Variants in COX17 observed in about 807,000 individuals in gnomAD.
COX17 encodes the protein cytochrome c oxidase copper chaperone COX17, also known as cytochrome c oxidase copper chaperone.
COX17 carries 1 observed loss-of-function variant against 6.3 expected under a neutral mutation model. That is an observed-to-expected ratio of 0.16 (90% CI 0.06 to 0.75). The LOEUF (loss-of-function observed/expected upper bound fraction) is 0.75, where lower values mean the gene tolerates loss of function less well. Ranked by LOEUF, COX17 falls within the 30% of genes least tolerant of loss-of-function variation. The pLI, the probability that COX17 is intolerant of heterozygous loss-of-function variation, is 0.77. For missense variants in COX17, 73 were observed against 81.2 expected, an observed-to-expected ratio of 0.90 and a Z score of 0.39; for synonymous variants, 26 against 30.5, an observed-to-expected ratio of 0.85 and a Z score of 0.49.
chr3:119,669,250 T>TGAA (rs1262864116), downstream of COX17: 2 of 141,940 alleles, frequency 1.4e-5, no homozygotes, highest in Admixed American at 7.0e-5. Context: ...TTAAGAAAGT[T>TGAA]AAAAAAAAAA....
chr3:119,666,235 C>A (rs1017247498), downstream of COX17, among the ~76,000 whole-genome samples: 1 of 152,204 alleles, frequency 6.6e-6, no homozygotes, highest in Non-Finnish European at 1.5e-5. Flanking sequence ...TTGGCTCAAT[C>A]AGACCTTTAA....
intron 1 of COX17, 39 bp downstream of exon 1, chr3:119,677,165 G>C: frequency 1.3e-6 from 2 of 1,538,974 alleles, no homozygotes; most frequent in Non-Finnish European, 1.8e-6. Context: ...GCCGCGGCCC[G>C]GGGCTCGTCG....
intron 2 of COX17, among the ~76,000 whole-genome samples, chr3:119,672,740 T>C (rs954824695): frequency 1.3e-5 from 2 of 152,248 alleles, no homozygotes; most frequent in African/African-American, 4.8e-5. Context: ...TACCATACTA[T>C]ATATAGAATC....
At chr3:119,664,661 T>A (rs2052977631), downstream of COX17, among the ~76,000 whole-genome samples, 1 of 152,232 alleles carries the variant, frequency 6.6e-6, no homozygotes, top group Non-Finnish European at 1.5e-5. Flanking sequence ...AACTGTTTGT[T>A]ACTTGTCCAT....
At chr3:119,677,157 C>T (rs369344618) in intron 1 of COX17, 47 bp downstream of exon 1, 16 of 1,511,778 alleles carry the variant, frequency 1.1e-5, no homozygotes, top group African/African-American at 9.6e-5. Context: ...AGGCACAGGC[C>T]GCGGCCCGGG....
At chr3:119,667,119 G>T (rs2052999674), downstream of COX17, 1 of 152,114 alleles carries the variant, frequency 6.6e-6, no homozygotes, top group South Asian at 2.1e-4. Context: ...ACATTTCAAG[G>T]TTAGACAAAC....
At chr3:119,675,772 T>C (rs1298685248) in intron 1 of COX17, among the ~76,000 whole-genome samples, 1 of 152,190 alleles carries the variant, frequency 6.6e-6, no homozygotes, top group Non-Finnish European at 1.5e-5. Context: ...CACAGCTTTA[T>C]TTCTAAGGCC....
At chr3:119,668,616 T>C (rs1015110780), downstream of COX17, among the ~76,000 whole-genome samples, 1 of 151,740 alleles carries the variant, frequency 6.6e-6, no homozygotes, top group Non-Finnish European at 1.5e-5. Context: ...CATAGCCAGC[T>C]ATTGAACCTA....
intron 1 of COX17, chr3:119,676,927 T>C (rs1320895071): frequency 1.4e-6 from 1 of 699,134 alleles, no homozygotes; most frequent in Admixed American, 2.0e-5. Context: ...TTCCCGGTAC[T>C]AAGCTACGGG....
intron 2 of COX17, among the ~76,000 whole-genome samples, chr3:119,671,201 T>A (rs2053040137): frequency 6.6e-6 from 1 of 151,932 alleles, no homozygotes; most frequent in Admixed American, 6.6e-5. Context: ...CATCTAGGAG[T>A]TTCTCAGTCA....
rs1427872154 is a variant in COX17, at chr3:119,669,669, CA to C, written c.*5-5del. The C allele has an allele frequency of 6.6e-6, 1 of 152,198 alleles. No individual in the cohort carries two copies. Among genetic ancestry groups the C allele is most frequent in the East Asian group, 1.9e-4 (1 of 5,206 alleles). The allele number at this position is 152,198 out of a possible 1,614,324, so 9.4% of individuals were successfully genotyped here. The stretch of plus-strand genomic sequence containing the variant: ...ATTTATTCACACAGCAGACCACCTA[CA>C]GAAAAATATTTATTTTAGAAAGTCA... On this transcript the variant is annotated splice_region_variant and splice_polypyrimidine_tract_variant and intron_variant, in intron 2 of 2. Transcript: ENST00000261070.
At chr3:119,673,760 C>G (rs916941635) in intron 2 of COX17, among the ~76,000 whole-genome samples, 1 of 152,192 alleles carries the variant, frequency 6.6e-6, no homozygotes, top group Non-Finnish European at 1.5e-5. Flanking sequence ...AAAAGAGTAT[C>G]ATTTGTTTGT....
chr3:119,667,450 A>G (rs551037046), downstream of COX17, among the ~76,000 whole-genome samples: 1 of 152,296 alleles, frequency 6.6e-6, no homozygotes, highest in East Asian at 1.9e-4. Flanking sequence ...AAAGTTTAAA[A>G]AAATTGTGTT....
At chr3:119,676,163 G>C (rs1012970039) in intron 1 of COX17, among the ~76,000 whole-genome samples, 19 of 152,338 alleles carry the variant, frequency 1.2e-4, no homozygotes, top group African/African-American at 4.6e-4. Flanking sequence ...AGGTCACCAA[G>C]TTAGTGGATT....
chr3:119,672,778 T>C (rs866291365), intron 2 of COX17, among the ~76,000 whole-genome samples: 7 of 152,246 alleles, frequency 4.6e-5, no homozygotes, highest in Non-Finnish European at 5.9e-5. Context: ...TCTCTTTTTA[T>C]AAATAATAAG....
At chr3:119,676,730 C>A in intron 1 of COX17, 1 of 667,348 alleles carries the variant, frequency 1.5e-6, no homozygotes, top group Non-Finnish European at 2.7e-6. Context: ...ATAGCCCTTA[C>A]CACGTCGTAT....
chr3:119,667,764 G>C (rs2053007707), downstream of COX17, among the ~76,000 whole-genome samples: 3 of 151,178 alleles, frequency 2.0e-5, no homozygotes, highest in Admixed American at 6.6e-5. Flanking sequence ...TGTCATCGAA[G>C]AGAGGTCCTA....
Position 119,677,347 on chromosome 3 carries a change from A to C in COX17, c.-37T>G. 2 of 1,559,474 alleles carry C rather than the reference A, an allele frequency of 1.3e-6. No individual in the cohort carries two copies. Among genetic ancestry groups the C allele is most frequent in the Non-Finnish European group, 1.8e-6 (2 of 1,137,568 alleles). ...AAAGCAGCTATGAGCGGAGACAGCC[A>C]AATCTATGCCAGCCTCGGCAAACGC... On this transcript the variant is annotated 5_prime_UTR_variant, in exon 1 of 3. Transcript: ENST00000261070.
At chr3:119,676,607 T>A (rs1448951732) in intron 1 of COX17, 1 of 433,652 alleles carries the variant, frequency 2.3e-6, no homozygotes, top group African/African-American at 2.0e-5. Flanking sequence ...GGTTGAAGCG[T>A]AACTCTTCAG....
Sources: gnomAD v4.1 joint callset for allele counts (sites outside exome capture counted in the v4.1 genomes callset) on GRCh38, gnomAD v4.1.1 for gene constraint, MANE v1.5 for transcripts, NCBI Gene and HGNC (gene_info 2026-07-23, HGNC 2026-07-21) for gene names.